Variants in APLP2 observed in about 807,000 individuals in gnomAD.
APLP2 encodes CDEI box-binding protein.
A neutral mutation model predicts 89.9 loss-of-function variants in APLP2; 53 were observed. That is an observed-to-expected ratio of 0.59 (90% CI 0.47 to 0.74). The LOEUF is 0.74. Ranked by LOEUF, APLP2 falls within the 30% of genes least tolerant of loss-of-function variation. The pLI, the probability that APLP2 is intolerant of heterozygous loss-of-function variation, is 0.00. For missense variants in APLP2, 973 were observed against 975.9 expected, an observed-to-expected ratio of 1.00 and a Z score of 0.04; for synonymous variants, 372 against 348.6, an observed-to-expected ratio of 1.07 and a Z score of -0.75.
chr11:130,109,355 A>G (rs1948237370), intron 1 of APLP2, 74 bp from the exon 2 acceptor site: 16 of 1,361,000 alleles, frequency 1.2e-5, no homozygotes, highest in Non-Finnish European at 1.6e-5. Flanking sequence ...GCATTCTGTC[A>G]CATAGACCTG....
In APLP2 at chr11:130,123,343, A is replaced by AT; in HGVS notation, c.923-267dup. On this transcript the variant is annotated intron_variant, in intron 6 of 16. Transcript: ENST00000338167. The surrounding 1 kb of genome is among the most constrained non-coding windows in gnomAD (Gnocchi z 4.0). ...GCTCTCGCAGCTGTGAGACAAAGGA[A>AT]TTGCTCTACGTCAATCTAAACTCAG... 6.6e-6 allele frequency among the ~76,000 whole-genome samples: 1 copy of AT among 152,342 alleles called. No homozygotes were observed. Among genetic ancestry groups the AT allele is most frequent in the East Asian group, 1.9e-4 (1 of 5,168 alleles).
In APLP2 at chr11:130,123,539, C is replaced by T. The variant is rs1246708296; in HGVS notation, c.923-73C>T. The T allele has an allele frequency of 1.0e-5, 15 of 1,503,520 alleles. No homozygotes were observed. In the South Asian group the frequency reaches 1.4e-4, roughly 14 times the overall value. 93.1% of individuals were successfully genotyped at this position (1,503,520 alleles called of 1,614,324 possible). A position where few individuals can be genotyped will look rare whatever the true frequency, so the allele number is the denominator to read the frequency against. The stretch of plus-strand genomic sequence containing the variant: ...CTCCCCCAGCCCATCCCCCAGCTCG[C>T]CAGCCTGTAGCATTTTGAAGCATTT... On this transcript the variant is annotated intron_variant, in intron 6 of 16. Coordinates refer to ENST00000338167, the MANE Select transcript of APLP2 (RefSeq NM_001142276.2). This position sits in a 1 kb window ranked among gnomAD's most constrained non-coding sequence, Gnocchi z 4.0.
chr11:130,128,106 C>T (rs1950573510), intron 9 of APLP2, among the ~76,000 whole-genome samples: 1 of 152,188 alleles, frequency 6.6e-6, no homozygotes, highest in Non-Finnish European at 1.5e-5. Context: ...GCTTTCCTGG[C>T]AAAAGTCCTC....
In APLP2 at chr11:130,141,570, C is replaced by CG; in HGVS notation, c.1998+1dup. ...GAGAGTTGGAGGCCTCGAGGAAGAG[C>CG]GGGTACGTGTTTAGCTCCAGAACCT... On this transcript the variant is annotated frameshift_variant and splice_region_variant, in exon 15 of 17. Coordinates refer to ENST00000338167, the MANE Select transcript of APLP2 (RefSeq NM_001142276.2). LOFTEE classifies it high-confidence loss of function. This position sits in a 1 kb window ranked among gnomAD's most constrained non-coding sequence, Gnocchi z 4.2. The CG allele has an allele frequency of 6.2e-7, 1 of 1,613,510 alleles. No individual in the cohort carries two copies. The highest frequency in any genetic ancestry group is 8.5e-7 in the Non-Finnish European group (1 of 1,179,596).
chr11:130,127,929 C>T (rs1950558367), intron 9 of APLP2, 89 bp downstream of exon 9: 1 of 1,108,914 alleles, frequency 9.0e-7, no homozygotes, highest in African/African-American at 1.6e-5. Context: ...TAGGATTGGA[C>T]ACCACCTCCT....
At chr11:130,113,151 GT>G (rs780991147) in intron 3 of APLP2, among the ~76,000 whole-genome samples, 1 of 152,152 alleles carries the variant, frequency 6.6e-6, no homozygotes, top group African/African-American at 2.4e-5. Flanking sequence ...CAGCGACCCT[GT>G]TTTAGTCTTT....
chr11:130,104,078 C>T (rs780705170), intron 1 of APLP2, among the ~76,000 whole-genome samples: 3 of 152,044 alleles, frequency 2.0e-5, no homozygotes, highest in Non-Finnish European at 4.4e-5. Context: ...GCACTGGTTT[C>T]AGTACACGAA....
In APLP2 at chr11:130,085,215, C is replaced by T. The variant is rs199999494; in HGVS notation, c.105+15133C>T. On this transcript the variant is annotated intron_variant, in intron 1 of 16. Transcript: ENST00000338167. ...CTGTAATCCCAGCACTTTGGGAGGC[C>T]GAGGTGGGTTGATCACCTGAGGTCA... Among the ~76,000 whole-genome samples the T allele has an allele frequency of 3.9e-5, 6 of 152,134 alleles. No individual in the cohort carries two copies. In the South Asian group the frequency reaches 6.2e-4, roughly 16 times the overall value.
At chr11:130,139,921 T>TG (rs1006491899) in intron 13 of APLP2, among the ~76,000 whole-genome samples, 9 of 152,048 alleles carry the variant, frequency 5.9e-5, no homozygotes, top group South Asian at 4.1e-4. Flanking sequence ...GAGTTTAGGT[T>TG]GGGGAGGGTA....
At chr11:130,124,294 T>A (rs1322415526) in intron 7 of APLP2, among the ~76,000 whole-genome samples, 1 of 152,210 alleles carries the variant, frequency 6.6e-6, no homozygotes, top group Non-Finnish European at 1.5e-5. Context: ...TCTTGCATAA[T>A]GCACTCTAGA....
chr11:130,122,915 G>A (rs547234310), intron 6 of APLP2, among the ~76,000 whole-genome samples: 1 of 152,042 alleles, frequency 6.6e-6, no homozygotes, highest in African/African-American at 2.4e-5. Context: ...CTAATCTGTA[G>A]GCTGCCCTAT....
Position 130,123,698 on chromosome 11 carries a change from C to A in APLP2, c.1009C>A (p.Arg337Ser), listed in dbSNP as rs369336732. 6.2e-7 allele frequency: 1 copy of A among 1,614,152 alleles called. No homozygotes were observed. The highest frequency in any genetic ancestry group is 1.3e-5 in the African/African-American group (1 of 74,958). ...CGACCTCTCCAAGGGAAAGTGCGTG[C>A]GCTTTATATATGGTGGCTGCGGCGG... ...YFDLSKGKCVRFIYGGCGGNR... is the reference protein window; with the variant it reads ...YFDLSKGKCVSFIYGGCGGNR... The change falls in exon 7 of 17, where the codon CGC (arginine) becomes AGC (serine). Residue 337 changes from arginine (R) to serine (S), a missense_variant. Physicochemically the swap from Arg to Ser is moderately radical, Grantham distance 110. Transcript: ENST00000338167. The surrounding 1 kb of genome is among the most constrained non-coding windows in gnomAD (Gnocchi z 4.0).
At chr11:130,091,217 G>C (rs1367610851) in intron 1 of APLP2, among the ~76,000 whole-genome samples, 1 of 139,350 alleles carries the variant, frequency 7.2e-6, no homozygotes, top group Admixed American at 6.8e-5. Context: ...CGGGCAGGGG[G>C]GCTGACCCCC....
rs1315724469 is a variant in APLP2 at position 130,141,222 on chromosome 11, G to C, written c.1924-276G>C. ...CGCCTGGTGTAAACGGGGCTTTTTG[G>C]CAGTCTGTTCTGAGATACGTCTCCA... On this transcript the variant is annotated intron_variant, in intron 14 of 16. Transcript: ENST00000338167. The surrounding 1 kb of genome is among the most constrained non-coding windows in gnomAD (Gnocchi z 4.2). 5.3e-6 allele frequency: 2 copies of C among 380,778 alleles called. No homozygotes were observed. The highest frequency in any genetic ancestry group is 9.5e-6 in the Non-Finnish European group (2 of 209,636). 23.6% of individuals were successfully genotyped at this position (380,778 alleles called of 1,614,324 possible). A position where few individuals can be genotyped will look rare whatever the true frequency, so the allele number is the denominator to read the frequency against.
chr11:130,130,814 T>C (rs541084841), intron 11 of APLP2, among the ~76,000 whole-genome samples: 79 of 152,346 alleles, frequency 5.2e-4, no homozygotes, highest in South Asian at 4.1e-3. Flanking sequence ...ATTGTGAGTG[T>C]CAGGGTACAT....
rs561079076 is a variant in APLP2 at position 130,077,477 on chromosome 11, A to G, written c.105+7395A>G. Among the ~76,000 whole-genome samples, 4 of 152,320 alleles carry G rather than the reference A, an allele frequency of 2.6e-5. No individual in the cohort carries two copies. In the East Asian group the frequency reaches 7.7e-4, roughly 29 times the overall value. On this transcript the variant is annotated intron_variant, in intron 1 of 16. Transcript: ENST00000338167. ...GCAGGCTTTTTACCCGGAGAGGTGA[A>G]CTATTAGAGCTTTTATTTTACTCTC...
chr11:130,085,475 C>G (rs978635365), intron 1 of APLP2, among the ~76,000 whole-genome samples: 1 of 151,486 alleles, frequency 6.6e-6, no homozygotes, highest in African/African-American at 2.4e-5. Flanking sequence ...AAAAACAAAA[C>G]AAAACAAAAA....
chr11:130,127,146 A>ATC (rs1950470840), intron 8 of APLP2, among the ~76,000 whole-genome samples: 1 of 151,608 alleles, frequency 6.6e-6, no homozygotes, highest in Admixed American at 6.6e-5. Context: ...TGTTATCAAT[A>ATC]AAAAGCTAGT....
chr11:130,103,275 A>C (rs997921075), intron 1 of APLP2, among the ~76,000 whole-genome samples: 1 of 152,232 alleles, frequency 6.6e-6, no homozygotes, highest in Non-Finnish European at 1.5e-5. Context: ...AACATGGTCC[A>C]CAGAGGCTTT....
Sources: gnomAD v4.1 joint callset for allele counts (sites outside exome capture counted in the v4.1 genomes callset) on GRCh38, gnomAD v4.1.1 for gene constraint, Gnocchi (gnomAD v3.1) non-coding constraint, MANE v1.5 for transcripts, NCBI Gene and HGNC (gene_info 2026-07-23, HGNC 2026-07-21) for gene names.